MAP3K15: variants seen among roughly 807,000 people sequenced by gnomAD.
The protein encoded by MAP3K15 is mitogen-activated protein kinase kinase kinase 15, also known as MAPK/ERK kinase kinase 15.
A neutral mutation model predicts 99.5 loss-of-function variants in MAP3K15; 124 were observed. The ratio of observed to expected loss-of-function variants is 1.25; its 90% CI spans 1.08 to 1.45. The LOEUF (loss-of-function observed/expected upper bound fraction) is 1.45. MAP3K15 is among the 40% of genes most tolerant of loss of function. MAP3K15 has a pLI of 0.00. For missense variants in MAP3K15, 1,242 were observed against 1,079.7 expected, an observed-to-expected ratio of 1.15 and a Z score of -2.11; for synonymous variants, 494 against 439.6, an observed-to-expected ratio of 1.12 and a Z score of -1.55.
At chrX:19,375,445 C>T (rs769756125) in intron 19 of MAP3K15, among the ~76,000 whole-genome samples, 25 of 112,069 alleles carry the variant, frequency 2.2e-4, no homozygotes, top group Non-Finnish European at 3.9e-4. Context: ...TCCCTGTGAC[C>T]TGTAGGGAAG....
Position 19,372,959 on chromosome X carries a change from T to C in MAP3K15, c.2934-132A>G, listed in dbSNP as rs774356502. On this transcript the variant is annotated intron_variant, in intron 21 of 28. Transcript: ENST00000338883. The stretch of plus-strand genomic sequence containing the variant: ...AGTCCCTGTGCTCAAGAAGATGAAA[T>C]TGCCGGAGGAAGGACAGACATGCAG... 1.3e-4 allele frequency: 76 copies of C among 599,570 alleles called. 1 individual carries two copies. Among genetic ancestry groups the C allele is most frequent in the Non-Finnish European group, 1.8e-4 (72 of 390,715 alleles). The allele number at this position is 599,570 out of a possible 1,213,427, so 49.4% of individuals were successfully genotyped here. A position where few individuals can be genotyped will look rare whatever the true frequency, so the allele number is the denominator to read the frequency against.
chrX:19,372,906 G>T, intron 21 of MAP3K15, 79 bp from the exon 22 acceptor site: 1 of 968,256 alleles, frequency 1.0e-6, no homozygotes, highest in Non-Finnish European at 1.4e-6. Context: ...GGACGCCCTG[G>T]AGAAGGGCTG....
rs147982851 is a variant in MAP3K15 at position 19,401,462 on chromosome X, G to C, written c.1845-799C>G. ...TTCTCCCACCACGGCCTCCGAAAGT[G>C]TTGGGAGGCATGAGCCCCCGCACCC... On this transcript the variant is annotated intron_variant, in intron 13 of 28. Transcript: ENST00000338883. 6.4e-3 allele frequency among the ~76,000 whole-genome samples: 718 copies of C among 111,696 alleles called. 2 individuals carry two copies. The highest frequency in any genetic ancestry group is 0.01 in the Non-Finnish European group (555 of 53,134).
intron 4 of MAP3K15, 99 bp downstream of exon 4, chrX:19,464,089 GCCAGTAAGGGACAATAGTGGGTTCT>G (rs1202804703): frequency 9.3e-6 from 5 of 535,786 alleles, no homozygotes; most frequent in Non-Finnish European, 1.1e-5. Context: ...AGCTAAGTGA[GCCAGTAAGGGACAATAGTGGGTTCT>G]CCAGCAACTC....
rs1426255554 is a variant in MAP3K15 at position 19,515,185 on chromosome X, G to A, written c.77C>T (p.Pro26Leu). 2 of 831,860 alleles carry A rather than the reference G, an allele frequency of 2.4e-6. No individual in the cohort carries two copies. The highest frequency in any genetic ancestry group is 2.9e-6 in the Non-Finnish European group (2 of 685,864). The allele number at this position is 831,860 out of a possible 1,213,427, so 68.6% of individuals were successfully genotyped here. ...CGGCCCGGCCGCGCCCTCCACCCCC[G>A]GCGGCGGCGGGCACTGAGGGGACTC... Reference protein sequence around the residue: ...ASESPQCPPPPGVEGAAGPAE... With the variant: ...ASESPQCPPPLGVEGAAGPAE... The change falls in exon 1 of 29, where the codon CCG becomes CTG. Residue 26 changes from proline to leucine, a missense_variant. Transcript: ENST00000338883.
intron 16 of MAP3K15, among the ~76,000 whole-genome samples, chrX:19,393,110 G>A (rs1371538246): frequency 9.0e-6 from 1 of 111,094 alleles, no homozygotes; most frequent in Non-Finnish European, 1.9e-5. Flanking sequence ...CTCCCTTAAG[G>A]ACACTGTGAC....
intron 23 of MAP3K15, 56 bp downstream of exon 23, chrX:19,371,289 G>T: frequency 9.0e-7 from 1 of 1,110,918 alleles, no homozygotes. Flanking sequence ...ATGGGAGGAG[G>T]TGGTAACTGA....
intron 26 of MAP3K15, 107 bp downstream of exon 26, chrX:19,362,631 A>C (rs757965860): frequency 4.8e-5 from 24 of 497,863 alleles, no homozygotes; most frequent in Middle Eastern, 6.1e-4. Context: ...AGTAGTCTAG[A>C]ATCTACTGGA....
At position 19,360,834 on chromosome X, in the gene MAP3K15, C is replaced by G. The variant is rs2063275854; in HGVS notation, c.3858-1G>C. ...CCAGAGTCTGCAGAGGAGACCACCCCTGGGAAACAAACACAGCTGTCTTCA... is the reference window on the plus strand; with the variant it reads ...CCAGAGTCTGCAGAGGAGACCACCCGTGGGAAACAAACACAGCTGTCTTCA... On this transcript the variant is annotated splice_acceptor_variant, in intron 28 of 28. Transcript: ENST00000338883. LOFTEE classifies it high-confidence loss of function. The G allele has an allele frequency of 8.4e-7, 1 of 1,193,785 alleles. No homozygotes were observed. Among genetic ancestry groups the G allele is most frequent in the South Asian group, 1.8e-5 (1 of 55,001 alleles).
In MAP3K15 at chrX:19,409,986, A is replaced by G; in HGVS notation, c.1699-13T>C. The G allele has an allele frequency of 8.4e-7, 1 of 1,194,933 alleles. No homozygotes were observed. Among genetic ancestry groups the G allele is most frequent in the Non-Finnish European group, 1.1e-6 (1 of 881,187 alleles). On this transcript the variant is annotated splice_polypyrimidine_tract_variant and intron_variant, in intron 11 of 28. Coordinates refer to ENST00000338883, the MANE Select transcript of MAP3K15 (RefSeq NM_001001671.4). ...CGTGCATCTGTTTCTGCAAGTTATC[A>G]AAGACAGAAGTCAATAGTTTGAGTT... is the stretch of plus-strand genomic sequence containing the variant.
chrX:19,428,825 C>A (rs928990323), intron 7 of MAP3K15, among the ~76,000 whole-genome samples: 1 of 110,917 alleles, frequency 9.0e-6, no homozygotes, highest in Non-Finnish European at 1.9e-5. Context: ...AAAAATTAGC[C>A]GGGCATGGTG....
intron 9 of MAP3K15, among the ~76,000 whole-genome samples, chrX:19,417,956 C>A (rs936126659): frequency 2.7e-5 from 3 of 112,327 alleles, no homozygotes; most frequent in Non-Finnish European, 5.6e-5. Context: ...CTCCAGCAAA[C>A]TCCAACAGAC....
In MAP3K15 at chrX:19,393,967, T is replaced by A. The variant is rs1262172021; in HGVS notation, c.2194+1114A>T. On this transcript the variant is annotated intron_variant, in intron 16 of 28. Transcript: ENST00000338883. ...TTTTGTATTTTTAGTAGAGAGGGGGTTTCTCCATGTTGGCCAGGCTGGTCT... is the reference window on the plus strand; with the variant it reads ...TTTTGTATTTTTAGTAGAGAGGGGGATTCTCCATGTTGGCCAGGCTGGTCT... 7.4e-5 allele frequency among the ~76,000 whole-genome samples: 8 copies of A among 107,526 alleles called. No homozygotes were observed. The East Asian group carries it at 2.4e-3, about 32-fold the overall frequency. The allele number at this position is 107,526 out of a possible 115,157, so 93.4% of individuals were successfully genotyped here.
intron 3 of MAP3K15, among the ~76,000 whole-genome samples, chrX:19,468,552 G>A (rs190062535): frequency 1.8e-5 from 2 of 111,922 alleles, no homozygotes; most frequent in East Asian, 5.6e-4. Flanking sequence ...ATTCCTGGGT[G>A]AGGATACAAG....
intron 26 of MAP3K15, 28 bp downstream of exon 26, chrX:19,362,710 A>G (rs1289017552): frequency 3.4e-6 from 3 of 883,795 alleles, no homozygotes; most frequent in Non-Finnish European, 4.9e-6. Context: ...CTAGATGTTA[A>G]AGTCTGTCTC....
At chrX:19,470,625 C>A (rs1004172678) in intron 3 of MAP3K15, among the ~76,000 whole-genome samples, 1 of 108,933 alleles carries the variant, frequency 9.2e-6, no homozygotes, top group Admixed American at 9.8e-5. Flanking sequence ...AGTCATGAAA[C>A]AAATAAACAA....
chrX:19,471,039 G>A (rs2064204676), intron 3 of MAP3K15, among the ~76,000 whole-genome samples: 1 of 111,485 alleles, frequency 9.0e-6, no homozygotes, highest in African/African-American at 3.3e-5. Flanking sequence ...GGCTCAACAG[G>A]CAATTTGAGT....
intron 5 of MAP3K15, among the ~76,000 whole-genome samples, chrX:19,457,961 C>A (rs1172718902): frequency 8.9e-6 from 1 of 111,956 alleles, no homozygotes; most frequent in African/African-American, 3.2e-5. Flanking sequence ...GGGTTGAGAA[C>A]CACTGCTCTA....
chrX:19,437,183 C>T (rs892946775), intron 6 of MAP3K15, among the ~76,000 whole-genome samples: 3 of 111,388 alleles, frequency 2.7e-5, no homozygotes, highest in Admixed American at 9.6e-5. Flanking sequence ...TCATAAAGCC[C>T]ACCCTTACCA....
Sources: allele counts gnomAD v4.1 joint callset (sites outside exome capture counted in the v4.1 genomes callset), GRCh38; gene constraint gnomAD v4.1.1; transcripts MANE v1.5; gene names NCBI Gene and HGNC (gene_info 2026-07-23, HGNC 2026-07-21).